GSDME: variants seen among roughly 807,000 people sequenced by gnomAD.
The protein encoded by GSDME is gasdermin-E.
In GSDME, 44 loss-of-function variants were observed where a neutral mutation model predicts 47.5. The observed-to-expected ratio is 0.93, with a 90% CI of 0.73 to 1.19. GSDME has a LOEUF of 1.19. Among genes scored for constraint, GSDME ranks in the 50% most tolerant of loss-of-function variants. GSDME has a pLI of 0.00. For synonymous variants in GSDME, 258 were observed against 252.8 expected, an observed-to-expected ratio of 1.02 and a Z score of -0.20; for missense variants, 663 against 604.2, an observed-to-expected ratio of 1.10 and a Z score of -1.02.
intron 5 of GSDME, 36 bp downstream of exon 5, chr7:24,717,204 AGGGATCCTCTGCTG>A (rs1341847913): frequency 6.2e-7 from 1 of 1,610,222 alleles, no homozygotes; most frequent in Non-Finnish European, 8.5e-7. Context: ...CCCTCTGCTG[AGGGATCCTCTGCTG>A]GGGATCCCTC....
rs1789071967 is a variant in GSDME, at chr7:24,705,791, T to G, written c.1183+393A>C. On this transcript the variant is annotated intron_variant, in intron 8 of 9. Transcript: ENST00000645220. The surrounding 1 kb of genome is among the most constrained non-coding windows in gnomAD (Gnocchi z 4.1). Reference sequence around the variant, plus strand: ...GTGGGGAATAACAAGTTTGCAAAGATCAGAAGGACTGAAATGCTGGAGGAG... The same window carrying G: ...GTGGGGAATAACAAGTTTGCAAAGAGCAGAAGGACTGAAATGCTGGAGGAG... 2.9e-6 allele frequency: 1 copy of G among 350,870 alleles called. No homozygotes were observed. The highest frequency in any genetic ancestry group is 2.3e-5 in the South Asian group (1 of 42,790). 21.7% of individuals were successfully genotyped at this position (350,870 alleles called of 1,614,324 possible). A position where few individuals can be genotyped will look rare whatever the true frequency, so the allele number is the denominator to read the frequency against.
chr7:24,790,769 C>G, the GSDME span, among the ~76,000 whole-genome samples: 2 of 152,124 alleles, frequency 1.3e-5, no homozygotes, highest in Admixed American at 1.3e-4. The surrounding 1 kb of genome is among the most constrained non-coding windows in gnomAD (Gnocchi z 4.1). Flanking sequence ...TTGGCTACAT[C>G]CCTTGTACTG....
rs1432331018 is a variant in GSDME, at chr7:24,732,595, T to C, written c.404+11967A>G. ...CTCCCCTATCTCTGGGCAGCAGCCA[T>C]GTGGCAGAGAGAGAGAAGCCGTGTG... On this transcript the variant is annotated intron_variant, in intron 3 of 9. Coordinates refer to ENST00000645220, the MANE Select transcript of GSDME (RefSeq NM_001127453.2). The surrounding 1 kb of genome is among the most constrained non-coding windows in gnomAD (Gnocchi z 4.8). Among the ~76,000 whole-genome samples the C allele has an allele frequency of 6.6e-6, 1 of 152,156 alleles. No individual in the cohort carries two copies. The highest frequency in any genetic ancestry group is 2.4e-5 in the African/African-American group (1 of 41,440).
At chr7:24,753,259 A>G (rs1015867341) in intron 1 of GSDME, among the ~76,000 whole-genome samples, 9 of 152,318 alleles carry the variant, frequency 5.9e-5, no homozygotes, top group African/African-American at 2.2e-4. Context: ...CCCAGGCCCC[A>G]GCAACCCTTT....
rs1790572853 is a variant in GSDME at position 24,744,097 on chromosome 7, G to C, written c.404+465C>G. On this transcript the variant is annotated intron_variant, in intron 3 of 9. Coordinates refer to ENST00000645220, the MANE Select transcript of GSDME (RefSeq NM_001127453.2). The surrounding 1 kb of genome is among the most constrained non-coding windows in gnomAD (Gnocchi z 4.5). The stretch of plus-strand genomic sequence containing the variant: ...ATGTATTTACCGAAAGCCAAACAAT[G>C]AATAAATGTGGGGTTTTCTTCAAGA... 4.5e-6 allele frequency: 1 copy of C among 221,156 alleles called. No individual in the cohort carries two copies. The highest frequency in any genetic ancestry group is 5.3e-5 in the Admixed American group (1 of 18,996). The allele number at this position is 221,156 out of a possible 1,614,324, so 13.7% of individuals were successfully genotyped here. A position where few individuals can be genotyped will look rare whatever the true frequency, so the allele number is the denominator to read the frequency against.
chr7:24,795,168 A>C, the GSDME span, among the ~76,000 whole-genome samples: 2 of 152,146 alleles, frequency 1.3e-5, no homozygotes, highest in Non-Finnish European at 2.9e-5. Flanking sequence ...GCGGGGGCCT[A>C]CCGTGCGCTG....
intron 3 of GSDME, among the ~76,000 whole-genome samples, chr7:24,743,397 A>G (rs1322557326): frequency 2.6e-5 from 4 of 152,234 alleles, no homozygotes; most frequent in Admixed American, 2.6e-4. Flanking sequence ...AAAATTACAC[A>G]GGAAAATGCA....
At chr7:24,781,065 T>C in the GSDME span, among the ~76,000 whole-genome samples, 1 of 152,320 alleles carries the variant, frequency 6.6e-6, no homozygotes, top group Admixed American at 6.5e-5. Flanking sequence ...GGGAAATTGT[T>C]ATGTACCATG....
the GSDME span, among the ~76,000 whole-genome samples, chr7:24,775,682 C>A: frequency 6.6e-6 from 1 of 151,868 alleles, no homozygotes; most frequent in Non-Finnish European, 1.5e-5. Flanking sequence ...TGAGACCAGC[C>A]TGGCCAACAT....
rs565476004 is a variant in GSDME at position 24,702,956 on chromosome 7, T to A, written c.1184-123A>T. The A allele has an allele frequency of 1.3e-4, 98 of 775,510 alleles. 1 individual carries two copies. The South Asian group carries it at 1.3e-3, about 11-fold the overall frequency. The allele number at this position is 775,510 out of a possible 1,614,324, so 48.0% of individuals were successfully genotyped here. A position where few individuals can be genotyped will look rare whatever the true frequency, so the allele number is the denominator to read the frequency against. On this transcript the variant is annotated intron_variant, in intron 8 of 9. Coordinates refer to ENST00000645220, the MANE Select transcript of GSDME (RefSeq NM_001127453.2). ...CCCGCCAGCCAGGCAGGGGAGGTAC[T>A]CAGCAGTTGCTGAGTTAGTGAATGA... is the stretch of plus-strand genomic sequence containing the variant.
chr7:24,793,440 C>A, the GSDME span, among the ~76,000 whole-genome samples: 1 of 152,112 alleles, frequency 6.6e-6, no homozygotes, highest in Non-Finnish European at 1.5e-5. Flanking sequence ...TTTTTAAAAA[C>A]CTTTTAATGT....
At chr7:24,700,416 GA>G (rs1788817771) in intron 9 of GSDME, among the ~76,000 whole-genome samples, 1 of 152,038 alleles carries the variant, frequency 6.6e-6, no homozygotes, top group South Asian at 2.1e-4. Context: ...AGGCATTCAA[GA>G]TCTGATTAAT....
At chr7:24,789,404 A>C in the GSDME span, among the ~76,000 whole-genome samples, 1 of 152,154 alleles carries the variant, frequency 6.6e-6, no homozygotes, top group Non-Finnish European at 1.5e-5. Context: ...AAGCTCCCTG[A>C]GTGAGCAATT....
intron 5 of GSDME, among the ~76,000 whole-genome samples, chr7:24,711,049 G>A (rs921522737): frequency 1.3e-5 from 2 of 152,128 alleles, no homozygotes; most frequent in Non-Finnish European, 2.9e-5. Context: ...ACAATATAAT[G>A]CCTAGGATTT....
In GSDME at chr7:24,710,405, A is replaced by G; in HGVS notation, c.698-17T>C. The G allele has an allele frequency of 6.2e-7, 1 of 1,614,122 alleles. No individual in the cohort carries two copies. Among genetic ancestry groups the G allele is most frequent in the Non-Finnish European group, 8.5e-7 (1 of 1,179,968 alleles). ...GGCAGAACTCTGTAGTGCAGGAGAAAAGGACAAGTTAGGTAAAGTTGAGTC... is the reference window on the plus strand; with the variant it reads ...GGCAGAACTCTGTAGTGCAGGAGAAGAGGACAAGTTAGGTAAAGTTGAGTC... On this transcript the variant is annotated splice_polypyrimidine_tract_variant and intron_variant, in intron 5 of 9. Coordinates refer to ENST00000645220, the MANE Select transcript of GSDME (RefSeq NM_001127453.2).
At chr7:24,781,399 A>C in the GSDME span, among the ~76,000 whole-genome samples, 1 of 152,234 alleles carries the variant, frequency 6.6e-6, no homozygotes, top group Non-Finnish European at 1.5e-5. Context: ...TGCAGCTTAC[A>C]GTACTCATGG....
At chr7:24,701,058 T>C (rs1788847961) in intron 9 of GSDME, among the ~76,000 whole-genome samples, 1 of 152,198 alleles carries the variant, frequency 6.6e-6, no homozygotes, top group Non-Finnish European at 1.5e-5. Flanking sequence ...GGCACTGTAC[T>C]CCCAAAAGCC....
At chr7:24,710,489 G>A (rs1180239412) in intron 5 of GSDME, 101 bp from the exon 6 acceptor site, 7 of 1,120,650 alleles carry the variant, frequency 6.2e-6, no homozygotes, top group Admixed American at 1.8e-5. Context: ...CATCTTAGAC[G>A]TAACTCAGTG....
At chr7:24,740,426 C>G (rs928287258) in intron 3 of GSDME, among the ~76,000 whole-genome samples, 1 of 151,676 alleles carries the variant, frequency 6.6e-6, no homozygotes, top group African/African-American at 2.4e-5. Flanking sequence ...GATAGCATAA[C>G]TTTAGGACAC....
Sources: allele counts gnomAD v4.1 joint callset (sites outside exome capture counted in the v4.1 genomes callset), GRCh38; gene constraint gnomAD v4.1.1; non-coding constraint Gnocchi (gnomAD v3.1); transcripts MANE v1.5; gene names NCBI Gene and HGNC (gene_info 2026-07-23, HGNC 2026-07-21).